Variants in LRRIQ3 observed in about 807,000 individuals in gnomAD.
LRRIQ3 encodes the protein leucine-rich repeat and IQ domain-containing protein 3.
LRRIQ3 carries 75 observed loss-of-function variants against 59.3 expected under a neutral mutation model. The observed-to-expected ratio is 1.26, with a 90% confidence interval of 1.05 to 1.53. The LOEUF is 1.53. LRRIQ3 is among the 40% of genes most tolerant of loss of function. The pLI is 0.00. For missense variants in LRRIQ3, 831 were observed against 710.0 expected (o/e 1.17, Z -1.94); for synonymous variants, 250 against 231.3 (o/e 1.08, Z -0.73).
At chr1:74,133,679 A>C (rs1006305760) in intron 4 of LRRIQ3, among the ~76,000 whole-genome samples, 1 of 150,988 alleles carries the variant, frequency 6.6e-6, no homozygotes, top group Non-Finnish European at 1.5e-5. Flanking sequence ...ACTTGGACAC[A>C]AAAAGGGAAC....
chr1:74,163,794 CAT>C (rs1648799073), intron 3 of LRRIQ3, among the ~76,000 whole-genome samples: 1 of 151,536 alleles, frequency 6.6e-6, no homozygotes, highest in Non-Finnish European at 1.5e-5. Context: ...ATTGCTGAAT[CAT>C]ATGATTATTC....
intron 6 of LRRIQ3, among the ~76,000 whole-genome samples, chr1:74,068,198 A>G (rs553216706): frequency 6.6e-6 from 1 of 152,086 alleles, no homozygotes; most frequent in Admixed American, 6.6e-5. Flanking sequence ...TTATGATACT[A>G]ATTTCTGTAT....
intron 6 of LRRIQ3, among the ~76,000 whole-genome samples, chr1:74,063,079 A>C (rs78200678): frequency 2.0e-5 from 2 of 97,704 alleles, no homozygotes; most frequent in Non-Finnish European, 4.8e-5. Flanking sequence ...CAAAACAAAA[A>C]AAATCAAAAC....
intron 4 of LRRIQ3, among the ~76,000 whole-genome samples, chr1:74,116,037 A>G (rs938203268): frequency 2.0e-5 from 3 of 152,074 alleles, no homozygotes; most frequent in African/African-American, 7.2e-5. Flanking sequence ...CAAAATATAC[A>G]TTCTTTCTTT....
intron 5 of LRRIQ3, among the ~76,000 whole-genome samples, chr1:74,092,734 T>C (rs1297389291): frequency 1.3e-5 from 2 of 152,080 alleles, no homozygotes; most frequent in African/African-American, 4.8e-5. Context: ...CTTTGAAGTC[T>C]GCAAGTTAAG....
intron 4 of LRRIQ3, among the ~76,000 whole-genome samples, chr1:74,121,339 A>C (rs574581749): frequency 6.6e-6 from 1 of 152,236 alleles, no homozygotes; most frequent in East Asian, 1.9e-4. Context: ...TTATTTGTTT[A>C]TTACTGAAAA....
chr1:74,032,827 T>G (rs1653758275), intron 7 of LRRIQ3, among the ~76,000 whole-genome samples: 1 of 151,978 alleles, frequency 6.6e-6, no homozygotes, highest in South Asian at 2.1e-4. Context: ...CACAGCAGCC[T>G]TACATTACTT....
chr1:74,153,608 T>A, intron 4 of LRRIQ3, among the ~76,000 whole-genome samples: 1 of 152,172 alleles, frequency 6.6e-6, no homozygotes, highest in East Asian at 1.9e-4. Context: ...AGGCATTCTG[T>A]TACATATTAA....
chr1:74,030,593 C>T (rs529476898), intron 7 of LRRIQ3, among the ~76,000 whole-genome samples: 72 of 152,216 alleles, frequency 4.7e-4, no homozygotes, highest in African/African-American at 1.4e-3. Context: ...TTCCTTACAC[C>T]TTATACAAAA....
chr1:74,115,080 G>T (rs1383458455), intron 4 of LRRIQ3, among the ~76,000 whole-genome samples: 1 of 151,848 alleles, frequency 6.6e-6, no homozygotes, highest in Non-Finnish European at 1.5e-5. Context: ...TAAACTCATA[G>T]AATTGAAGCG....
chr1:74,065,430 T>C (rs1248719552), intron 6 of LRRIQ3, among the ~76,000 whole-genome samples: 2 of 152,016 alleles, frequency 1.3e-5, no homozygotes. Context: ...TGAATCATAA[T>C]CCTAGAAGAG....
intron 5 of LRRIQ3, among the ~76,000 whole-genome samples, chr1:74,095,294 T>C (rs1646437242): frequency 1.3e-5 from 2 of 152,136 alleles, no homozygotes; most frequent in South Asian, 4.1e-4. Flanking sequence ...ACTGTCTATC[T>C]CTTGATTTTT....
chr1:74,061,435 G>A (rs755995096), intron 6 of LRRIQ3, among the ~76,000 whole-genome samples: 7 of 152,040 alleles, frequency 4.6e-5, no homozygotes, highest in Non-Finnish European at 8.8e-5. Context: ...CATTGAATTA[G>A]AATATTTTAA....
Position 74,026,949 on chromosome 1 carries a change from C to T in LRRIQ3, c.1739G>A (p.Arg580Lys), listed in dbSNP as rs200301604. The change falls in exon 8 of 8, where the codon AGA (arginine) becomes AAA (lysine). Residue 580 changes from arginine to lysine, a missense_variant. By Grantham distance (26) the Arg-to-Lys change is conservative. Transcript: ENST00000354431. ...KKVRSQEIYKRHCEEKFVMDM... is the reference protein window; with the variant it reads ...KKVRSQEIYKKHCEEKFVMDM... ...CATAACAAATTTTTCTTCACAATGT[C>T]TTTTATATATTTCTTGAGATCTAAG... The T allele has an allele frequency of 6.1e-4, 962 of 1,566,676 alleles. No individual in the cohort carries two copies. Among genetic ancestry groups the T allele is most frequent in the Non-Finnish European group, 7.9e-4 (905 of 1,148,930 alleles).
chr1:74,032,764 G>A (rs1166563230), intron 7 of LRRIQ3, among the ~76,000 whole-genome samples: 2 of 151,796 alleles, frequency 1.3e-5, no homozygotes, highest in Admixed American at 1.3e-4. Context: ...CATAGTCCTG[G>A]GAATCAAGGA....
intron 6 of LRRIQ3, among the ~76,000 whole-genome samples, chr1:74,051,149 C>A (rs1002797446): frequency 1.3e-5 from 2 of 152,040 alleles, no homozygotes; most frequent in African/African-American, 4.8e-5. Flanking sequence ...TATGCTGGAG[C>A]CTATTTCTTT....
At chr1:74,063,034 G>A (rs1460058502) in intron 6 of LRRIQ3, among the ~76,000 whole-genome samples, 1 of 150,612 alleles carries the variant, frequency 6.6e-6, no homozygotes, top group Non-Finnish European at 1.5e-5. Flanking sequence ...AGATACTCAA[G>A]TAGTCCTAAA....
intron 6 of LRRIQ3, among the ~76,000 whole-genome samples, chr1:74,054,757 T>C (rs1570037284): frequency 1.5e-5 from 2 of 134,172 alleles, no homozygotes; most frequent in African/African-American, 5.6e-5. Flanking sequence ...TATATATATA[T>C]CTATATATCT....
At chr1:74,050,269 T>C (rs1654333177) in intron 6 of LRRIQ3, among the ~76,000 whole-genome samples, 1 of 152,104 alleles carries the variant, frequency 6.6e-6, no homozygotes, top group African/African-American at 2.4e-5. Flanking sequence ...AAGTACAGGT[T>C]CTCCTTTCTC....
Sources: allele counts gnomAD v4.1 joint callset (sites outside exome capture counted in the v4.1 genomes callset), GRCh38; gene constraint gnomAD v4.1.1; transcripts MANE v1.5; gene names NCBI Gene and HGNC (gene_info 2026-07-23, HGNC 2026-07-21).